The following RALYL variants were observed in gnomAD, a reference collection of about 807,000 sequenced individuals.
RALYL encodes the protein RALY RNA binding protein like.
Under a neutral mutation model 35.1 loss-of-function variants are expected in RALYL, and 29 were observed. That is an observed-to-expected ratio of 0.83 (90% CI 0.61 to 1.13). The LOEUF (loss-of-function observed/expected upper bound fraction) is 1.13. RALYL is among the 50% of genes most tolerant of loss of function. RALYL has a pLI of 0.00. For missense variants in RALYL, 359 were observed against 360.4 expected (o/e 1.00, Z 0.03); for synonymous variants, 120 against 127.6 (o/e 0.94, Z 0.40).
chr8:84,542,310 T>C (rs1209078910), intron 2 of RALYL, among the ~76,000 whole-genome samples: 1 of 152,150 alleles, frequency 6.6e-6, no homozygotes, highest in Non-Finnish European at 1.5e-5. Context: ...TCTGCAAATA[T>C]TTCAGCATGC....
intron 1 of RALYL, among the ~76,000 whole-genome samples, chr8:84,417,052 C>T (rs1586987794): frequency 6.7e-6 from 1 of 150,364 alleles, no homozygotes. Context: ...GAATGTCTAC[C>T]TTATGCATGG....
chr8:84,772,357 A>G (rs1332201414), intron 2 of RALYL, among the ~76,000 whole-genome samples: 1 of 152,074 alleles, frequency 6.6e-6, no homozygotes, highest in Non-Finnish European at 1.5e-5. Context: ...GTACAAATTC[A>G]GAATCAGCTT....
At chr8:84,692,810 A>G (rs1302286979) in intron 2 of RALYL, among the ~76,000 whole-genome samples, 1 of 151,986 alleles carries the variant, frequency 6.6e-6, no homozygotes, top group Non-Finnish European at 1.5e-5. Context: ...GGATGTGTCA[A>G]TGTAATCACA....
At chr8:84,516,102 C>A (rs1396581662) in intron 1 of RALYL, among the ~76,000 whole-genome samples, 1 of 151,944 alleles carries the variant, frequency 6.6e-6, no homozygotes, top group Non-Finnish European at 1.5e-5. Flanking sequence ...TCAATAAGAA[C>A]TAAAAATAAT....
At chr8:84,260,413 G>C (rs1832041127) in intron 1 of RALYL, among the ~76,000 whole-genome samples, 1 of 152,176 alleles carries the variant, frequency 6.6e-6, no homozygotes, top group Non-Finnish European at 1.5e-5. Flanking sequence ...TGGTCGGGCT[G>C]TGGTGTCAGC....
At chr8:84,363,864 C>A (rs976897645) in intron 1 of RALYL, among the ~76,000 whole-genome samples, 5 of 152,118 alleles carry the variant, frequency 3.3e-5, no homozygotes, top group African/African-American at 1.2e-4. Flanking sequence ...CATAGCAAGT[C>A]ACCAATACTG....
chr8:84,590,292 A>T (rs1812949404), intron 2 of RALYL, among the ~76,000 whole-genome samples: 1 of 152,198 alleles, frequency 6.6e-6, no homozygotes, highest in Non-Finnish European at 1.5e-5. Context: ...TAATTGTAAA[A>T]CTTATTCAGT....
At chr8:84,863,456 TGCAGCTTGGTAA>T (rs1838528854) in intron 6 of RALYL, among the ~76,000 whole-genome samples, 2 of 152,194 alleles carry the variant, frequency 1.3e-5, no homozygotes, top group Admixed American at 1.3e-4. Flanking sequence ...CAAGTTCCAA[TGCAGCTTGGTAA>T]GCCGCCGTAG....
At chr8:84,847,335 G>T (rs572438293) in intron 4 of RALYL, among the ~76,000 whole-genome samples, 2 of 152,312 alleles carry the variant, frequency 1.3e-5, no homozygotes, top group South Asian at 4.1e-4. Flanking sequence ...TCAGGGCTGG[G>T]AATTAGTCCT....
intron 1 of RALYL, among the ~76,000 whole-genome samples, chr8:84,299,607 C>T (rs563109994): frequency 6.6e-4 from 100 of 151,678 alleles, no homozygotes; most frequent in Non-Finnish European, 9.1e-4. Context: ...AGGGCTTTCC[C>T]TGGTTGGTCG....
At chr8:84,609,844 G>A (rs1588487308) in intron 2 of RALYL, among the ~76,000 whole-genome samples, 1 of 152,094 alleles carries the variant, frequency 6.6e-6, no homozygotes, top group Non-Finnish European at 1.5e-5. Flanking sequence ...ACAGTTCCAC[G>A]TGGCTGGGGA....
At chr8:84,535,751 G>A (rs1463935736) in intron 2 of RALYL, among the ~76,000 whole-genome samples, 3 of 151,858 alleles carry the variant, frequency 2.0e-5, no homozygotes, top group Non-Finnish European at 2.9e-5. Context: ...TGGATTACAG[G>A]CGTGAGCCAC....
intron 1 of RALYL, among the ~76,000 whole-genome samples, chr8:84,297,997 T>C (rs1840083587): frequency 6.6e-6 from 1 of 152,190 alleles, no homozygotes. Flanking sequence ...CAGCTTATTC[T>C]GTTGATACTT....
At chr8:84,583,759 G>A (rs1811369095) in intron 2 of RALYL, among the ~76,000 whole-genome samples, 1 of 152,056 alleles carries the variant, frequency 6.6e-6, no homozygotes, top group South Asian at 2.1e-4. Flanking sequence ...TATATGCTAG[G>A]CACTGCTAGG....
At chr8:84,574,706 A>G (rs947121498) in intron 2 of RALYL, among the ~76,000 whole-genome samples, 10 of 152,030 alleles carry the variant, frequency 6.6e-5, no homozygotes, top group Admixed American at 2.0e-4. Flanking sequence ...TTTGTTTCCT[A>G]TATATGTAGA....
intron 1 of RALYL, among the ~76,000 whole-genome samples, chr8:84,232,830 G>A (rs964101254): frequency 6.6e-6 from 1 of 151,974 alleles, no homozygotes; most frequent in African/African-American, 2.4e-5. Context: ...TATTATAACT[G>A]TGTGGAATTA....
intron 2 of RALYL, among the ~76,000 whole-genome samples, chr8:84,594,940 C>A (rs1814130905): frequency 7.0e-6 from 1 of 142,516 alleles, no homozygotes; most frequent in African/African-American, 2.7e-5. Flanking sequence ...AAAGACAGAT[C>A]ATCTCCAGTA....
intron 2 of RALYL, among the ~76,000 whole-genome samples, chr8:84,595,790 C>A (rs2130640271): frequency 1.4e-5 from 2 of 142,520 alleles, no homozygotes; most frequent in East Asian, 4.0e-4. Flanking sequence ...TTTTGGCATC[C>A]AAGAAATCAG....
chr8:84,662,612 C>T (rs1449824871), intron 2 of RALYL, among the ~76,000 whole-genome samples: 1 of 152,040 alleles, frequency 6.6e-6, no homozygotes, highest in African/African-American at 2.4e-5. Flanking sequence ...ATTGTTTAAA[C>T]TGGATGTTGA....
Sources: gnomAD v4.1 joint callset for allele counts (sites outside exome capture counted in the v4.1 genomes callset) on GRCh38, gnomAD v4.1.1 for gene constraint, MANE v1.5 for transcripts, NCBI Gene and HGNC (gene_info 2026-07-23, HGNC 2026-07-21) for gene names.